ZNF682: variants seen among roughly 807,000 people sequenced by gnomAD.
ZNF682 encodes zinc finger protein 682.
ZNF682 carries 29 observed loss-of-function variants against 36.5 expected under a neutral mutation model. The observed-to-expected ratio is 0.80, with a 90% CI of 0.59 to 1.08. The LOEUF (loss-of-function observed/expected upper bound fraction) is 1.08, where lower values mean the gene tolerates loss of function less well. Ranked by LOEUF, ZNF682 falls within the 50% of genes least tolerant of loss-of-function variation. The probability of loss-of-function intolerance (pLI) is 0.00; values close to 1 mark genes in which losing one functional copy is unlikely to be tolerated. For missense variants in ZNF682, 561 were observed against 579.7 expected, an observed-to-expected ratio of 0.97 and a Z score of 0.33; for synonymous variants, 180 against 197.0, an observed-to-expected ratio of 0.91 and a Z score of 0.72.
intron 3 of ZNF682, among the ~76,000 whole-genome samples, chr19:20,008,576 T>C: frequency 6.6e-6 from 1 of 152,082 alleles, no homozygotes; most frequent in East Asian, 1.9e-4. Flanking sequence ...CCATAACCCA[T>C]CCTTACTTTT....
At chr19:20,015,589 T>C (rs10500213) in intron 3 of ZNF682, 15,083 of 234,388 alleles carry the variant, frequency 0.064, 790 homozygotes, top group East Asian at 0.2. Flanking sequence ...TGAATAAACA[T>C]AGTGGAGTAC....
At position 20,034,874 on chromosome 19, in the gene ZNF682, A is replaced by C. The variant is rs375927259; in HGVS notation, c.3+4469T>G. ...CACTTTGGGAGGCTGAGGCGGGCAGATAGCCTCAGGTCCAAAGTTCGAGAC... is the reference window on the plus strand; with the variant it reads ...CACTTTGGGAGGCTGAGGCGGGCAGCTAGCCTCAGGTCCAAAGTTCGAGAC... On this transcript the variant is annotated intron_variant, in intron 1 of 3. Coordinates refer to ENST00000397165, the MANE Select transcript of ZNF682 (RefSeq NM_033196.3). 5.3e-5 allele frequency among the ~76,000 whole-genome samples: 8 copies of C among 152,294 alleles called. No individual in the cohort carries two copies. The East Asian group carries it at 1.5e-3, about 29-fold the overall frequency.
rs527573632 is a variant in ZNF682 at position 20,005,944 on chromosome 19, C to G, written c.*61G>C. 2.7e-6 allele frequency: 4 copies of G among 1,466,446 alleles called. No individual in the cohort carries two copies. In the East Asian group the frequency reaches 6.8e-5, roughly 25 times the overall value. The allele number at this position is 1,466,446 out of a possible 1,614,324, so 90.8% of individuals were successfully genotyped here. ...TATCTTGTGATTTCAATGCCTTGAGCAAGATTTATGGAATTTGCCACATTC... is the reference window on the plus strand; with the variant it reads ...TATCTTGTGATTTCAATGCCTTGAGGAAGATTTATGGAATTTGCCACATTC... On this transcript the variant is annotated 3_prime_UTR_variant, in exon 4 of 4. Coordinates refer to ENST00000397165, the MANE Select transcript of ZNF682 (RefSeq NM_033196.3).
rs528569395 is a variant in ZNF682 at position 20,026,220 on chromosome 19, G to A, written c.4-1844C>T. ...CGGGAGGCTGAGGCAGGAGAATGGC[G>A]TGAACCCAGGAGGTGGAGCTTGCAG... On this transcript the variant is annotated intron_variant, in intron 1 of 3. Transcript: ENST00000397165. 3.3e-5 allele frequency among the ~76,000 whole-genome samples: 5 copies of A among 151,722 alleles called. No individual in the cohort carries two copies. The East Asian group carries it at 6.0e-4, about 18-fold the overall frequency.
At chr19:20,038,815 A>C (rs1418724371) in intron 1 of ZNF682, among the ~76,000 whole-genome samples, 5 of 152,342 alleles carry the variant, frequency 3.3e-5, no homozygotes, top group African/African-American at 1.2e-4. Flanking sequence ...GGTTTGCTTC[A>C]TCCTGCACTT....
downstream of ZNF682, among the ~76,000 whole-genome samples, chr19:20,003,190 C>CAA (rs755953644): frequency 0.33 from 11,031 of 33,298 alleles, 3,856 homozygotes; most frequent in Non-Finnish European, 0.4. Context: ...GACTCCGTCT[C>CAA]AAAAAAAAAA....
chr19:20,029,674 C>T (rs9304965), intron 1 of ZNF682, among the ~76,000 whole-genome samples: 118,434 of 151,148 alleles, frequency 0.78, 46,500 homozygotes, highest in Middle Eastern at 0.87. Context: ...GAATGAAATA[C>T]AGAACGGGAA....
intron 3 of ZNF682, among the ~76,000 whole-genome samples, chr19:20,012,003 C>T (rs2088292782): frequency 6.6e-6 from 1 of 151,764 alleles, no homozygotes; most frequent in Non-Finnish European, 1.5e-5. Flanking sequence ...CGCCACTGCA[C>T]TCCAGCCTGG....
At chr19:20,013,309 TATC>T (rs1270450199) in intron 3 of ZNF682, among the ~76,000 whole-genome samples, 3 of 152,010 alleles carry the variant, frequency 2.0e-5, no homozygotes, top group African/African-American at 7.2e-5. Context: ...ACATATATAT[TATC>T]ATCAGGGTTC....
At chr19:20,028,212 A>AC (rs2088448598) in intron 1 of ZNF682, among the ~76,000 whole-genome samples, 1 of 49,602 alleles carries the variant, frequency 2.0e-5, no homozygotes, top group African/African-American at 7.0e-5. Context: ...TTGATTCTGC[A>AC]GGTTTGTTTG....
intron 2 of ZNF682, 77 bp from the exon 3 acceptor site, chr19:20,023,176 A>G: frequency 7.8e-7 from 1 of 1,288,334 alleles, no homozygotes; most frequent in Non-Finnish European, 1.1e-6. Flanking sequence ...CTCTGTAGAT[A>G]AGAGAGAATA....
At chr19:20,036,398 A>C (rs2088529344) in intron 1 of ZNF682, among the ~76,000 whole-genome samples, 1 of 7,520 alleles carries the variant, frequency 1.3e-4, no homozygotes, top group Admixed American at 1.7e-3. Flanking sequence ...TGAGGTCAGG[A>C]GTTCAGGACC....
At chr19:20,016,481 A>G (rs1260879452) in intron 3 of ZNF682, among the ~76,000 whole-genome samples, 1 of 152,166 alleles carries the variant, frequency 6.6e-6, no homozygotes, top group African/African-American at 2.4e-5. Flanking sequence ...ATGATATATC[A>G]ACAGAGATTT....
At position 20,005,080 on chromosome 19, in the gene ZNF682, G is replaced by A. The variant is rs1035274897; in HGVS notation, c.*925C>T. 2.0e-5 allele frequency: 3 copies of A among 151,692 alleles called. No homozygotes were observed. The highest frequency in any genetic ancestry group is 7.3e-5 in the African/African-American group (3 of 41,296). 9.4% of individuals were successfully genotyped at this position (151,692 alleles called of 1,614,324 possible). ...GTTAAATGCTTTCATATAAACTAGCGTTCTTTCTTTTTTTTTGAGACAGAG... is the reference window on the plus strand; with the variant it reads ...GTTAAATGCTTTCATATAAACTAGCATTCTTTCTTTTTTTTTGAGACAGAG... On this transcript the variant is annotated 3_prime_UTR_variant, in exon 4 of 4. Coordinates refer to ENST00000397165, the MANE Select transcript of ZNF682 (RefSeq NM_033196.3).
Position 20,024,333 on chromosome 19 carries a change from T to A in ZNF682, c.47A>T (p.Glu16Val), listed in dbSNP as rs200133638. 237 of 1,613,546 alleles carry A rather than the reference T, an allele frequency of 1.5e-4. 1 individual carries two copies. Among genetic ancestry groups the A allele is most frequent in the South Asian group, 7.1e-4 (65 of 90,962 alleles). The change falls in exon 2 of 4, where the codon GAG (glutamate) becomes GTG (valine). Residue 16 changes from glutamate to valine, a missense_variant. Coordinates refer to ENST00000397165, the MANE Select transcript of ZNF682 (RefSeq NM_033196.3). ...AGCAGGGTTCAGAAACTCCCACTCC[T>A]CCAGAGAGAATTCTATGGTCACATC... is the stretch of plus-strand genomic sequence containing the variant. ...FRDVTIEFSL[E>V]EWEFLNPAQQ...
chr19:20,015,213 T>C lies in ZNF682; in HGVS notation c.226+7791A>G, dbSNP rs16996566. The C allele has an allele frequency of 2.4e-3, 2,338 of 985,300 alleles. 49 individuals are homozygous for C. The African/African-American group carries it at 0.036, about 15-fold the overall frequency. 61.0% of individuals were successfully genotyped at this position (985,300 alleles called of 1,614,324 possible). Reference sequence around the variant, plus strand: ...GTGTTTCTCTCACAAAAAGAAAATATACATCCACCAATGAATAGATGTTGA... The same window carrying C: ...GTGTTTCTCTCACAAAAAGAAAATACACATCCACCAATGAATAGATGTTGA... On this transcript the variant is annotated intron_variant, in intron 3 of 3. Transcript: ENST00000397165.
chr19:20,033,302 G>A (rs1479672786), intron 1 of ZNF682: 2 of 152,298 alleles, frequency 1.3e-5, no homozygotes, highest in Non-Finnish European at 2.9e-5. Flanking sequence ...TGTGGAAGAG[G>A]GATCTATGTT....
chr19:20,025,986 C>T (rs2088427997), intron 1 of ZNF682, among the ~76,000 whole-genome samples: 1 of 152,142 alleles, frequency 6.6e-6, no homozygotes, highest in African/African-American at 2.4e-5. Context: ...TTAGTGACAT[C>T]CTCTTTAAAT....
chr19:20,015,142 T>A (rs1258952182), intron 3 of ZNF682: 1 of 945,488 alleles, frequency 1.1e-6, no homozygotes, highest in African/African-American at 1.8e-5. Context: ...CAATTACACC[T>A]AAAATAAAGT....
Sources: gnomAD v4.1 joint callset for allele counts (sites outside exome capture counted in the v4.1 genomes callset) on GRCh38, gnomAD v4.1.1 for gene constraint, MANE v1.5 for transcripts, NCBI Gene and HGNC (gene_info 2026-07-23, HGNC 2026-07-21) for gene names.